Variants in EWSR1 observed in about 807,000 individuals in gnomAD.
The protein encoded by EWSR1 is EWS RNA binding protein 1.
A neutral mutation model predicts 92.1 loss-of-function variants in EWSR1; 14 were observed. The ratio of observed to expected loss-of-function variants is 0.15; its 90% CI spans 0.10 to 0.24. EWSR1 has a LOEUF of 0.24. EWSR1 is among the 10% of genes least tolerant of loss of function. EWSR1 has a pLI of 1.00. For missense variants in EWSR1, 637 were observed against 870.9 expected, an observed-to-expected ratio of 0.73 and a Z score of 3.38; for synonymous variants, 303 against 292.9, an observed-to-expected ratio of 1.03 and a Z score of -0.35.
At chr22:29,298,623 G>A in intron 13 of EWSR1, 110 bp from the exon 14 acceptor site, 1 of 1,346,866 alleles carries the variant, frequency 7.4e-7, no homozygotes. Context: ...ACAGGTGATG[G>A]GGAAATGACA....
rs962255366 is a variant in EWSR1, at chr22:29,273,732, T to C, written c.103-9T>C. The C allele has an allele frequency of 1.1e-5, 17 of 1,601,944 alleles. No homozygotes were observed. Among genetic ancestry groups the C allele is most frequent in the East Asian group, 2.2e-5 (1 of 44,846 alleles). ...ATGAAGTTCTTGCATTCGTTTTTTTTTGGAGCAGGCATATGGGCAACAAAG... is the reference window on the plus strand; with the variant it reads ...ATGAAGTTCTTGCATTCGTTTTTTTCTGGAGCAGGCATATGGGCAACAAAG... On this transcript the variant is annotated splice_polypyrimidine_tract_variant and intron_variant, in intron 3 of 16. Coordinates refer to ENST00000397938, the MANE Select transcript of EWSR1 (RefSeq NM_005243.4).
In EWSR1 at chr22:29,297,878, C is replaced by G; in HGVS notation, c.1346C>G (p.Pro449Arg). The change falls in exon 13 of 17, where the codon CCT becomes CGT. Residue 449 changes from proline to arginine, a missense_variant. Physicochemically the swap from Pro to Arg is moderately radical, Grantham distance 103. Coordinates refer to ENST00000397938, the MANE Select transcript of EWSR1 (RefSeq NM_005243.4). ...KLKVSLARKK[P>R]PMNSMRGGLP... ...AAAGTCTCCCTTGCTCGGAAGAAGC[C>G]TCCAATGAACAGTATGCGGGGTGGT... is the stretch of plus-strand genomic sequence containing the variant. 6.2e-7 allele frequency: 1 copy of G among 1,614,038 alleles called. No homozygotes were observed. Among genetic ancestry groups the G allele is most frequent in the Non-Finnish European group, 8.5e-7 (1 of 1,180,008 alleles).
chr22:29,295,392 GAGGA>G, intron 11 of EWSR1: 1 of 214,144 alleles, frequency 4.7e-6, no homozygotes, highest in African/African-American at 2.3e-5. Context: ...GCCAAGGCAG[GAGGA>G]TCCCAAGGAT....
chr22:29,289,055 T>C, intron 8 of EWSR1: 1 of 397,998 alleles, frequency 2.5e-6, no homozygotes, highest in Non-Finnish European at 4.5e-6. Flanking sequence ...CCTTCATGGT[T>C]TCCAGAGGTG....
intron 4 of EWSR1, chr22:29,277,624 A>T: frequency 4.3e-6 from 1 of 235,198 alleles, no homozygotes; most frequent in East Asian, 6.2e-5. Flanking sequence ...TTCTTCTGGG[A>T]TGTTTTATTC....
chr22:29,291,666 A>G (rs1213871873), intron 9 of EWSR1, 67 bp downstream of exon 9: 5 of 1,436,538 alleles, frequency 3.5e-6, no homozygotes, highest in African/African-American at 1.4e-5. Flanking sequence ...AGAAAACTAT[A>G]ATTTTTTTAT....
chr22:29,288,004 C>T (rs1057465289), intron 7 of EWSR1, among the ~76,000 whole-genome samples: 4 of 152,068 alleles, frequency 2.6e-5, no homozygotes, highest in East Asian at 3.8e-4. Context: ...TAGTGAGACC[C>T]TGTCTTTTTA....
chr22:29,274,542 T>C (rs2058952673), intron 4 of EWSR1: 1 of 434,144 alleles, frequency 2.3e-6, no homozygotes, highest in Admixed American at 3.7e-5. Context: ...CCCAAAGGTA[T>C]TTCAGGTGAT....
rs376008026 is a variant in EWSR1, at chr22:29,288,570, C to A, written c.794-36C>A. 5.1e-6 allele frequency: 8 copies of A among 1,566,882 alleles called. No individual in the cohort carries two copies. In the African/African-American group the frequency reaches 9.6e-5, roughly 19 times the overall value. On this transcript the variant is annotated intron_variant, in intron 7 of 16. Coordinates refer to ENST00000397938, the MANE Select transcript of EWSR1 (RefSeq NM_005243.4). ...AGTACATCAGGCAGTGGTGTAAATG[C>A]TGGTCCATGGCTTACAGATGTGACT...
chr22:29,290,324 CT>C, intron 8 of EWSR1: 1 of 1,363,174 alleles, frequency 7.3e-7, no homozygotes, highest in South Asian at 1.3e-5. Flanking sequence ...TTAACATGCC[CT>C]TTTTCATTGC....
intron 7 of EWSR1, 22 bp from the exon 8 acceptor site, chr22:29,288,584 A>G: frequency 6.3e-7 from 1 of 1,597,240 alleles, no homozygotes; most frequent in African/African-American, 1.3e-5. Context: ...TCCATGGCTT[A>G]CAGATGTGAC....
chr22:29,285,179 AG>A (rs2059933958), intron 6 of EWSR1, among the ~76,000 whole-genome samples: 2 of 135,080 alleles, frequency 1.5e-5, no homozygotes, highest in Non-Finnish European at 1.5e-5. Context: ...GTTGGAGTGC[AG>A]TGGCGCTGTC....
intron 1 of EWSR1, among the ~76,000 whole-genome samples, chr22:29,270,525 A>C (rs1048542603): frequency 1.3e-5 from 2 of 152,230 alleles, no homozygotes; most frequent in Admixed American, 1.3e-4. Flanking sequence ...TAAGTTCATG[A>C]AACAAATTTG....
intron 6 of EWSR1, among the ~76,000 whole-genome samples, chr22:29,286,714 T>A (rs2060067881): frequency 7.0e-6 from 1 of 142,826 alleles, no homozygotes; most frequent in Admixed American, 6.9e-5. Flanking sequence ...AAAAAAAAAT[T>A]TTTTTGTTTT....
In EWSR1 at chr22:29,282,270, C is replaced by T. The variant is rs139337869; in HGVS notation, c.414-120C>T. The stretch of plus-strand genomic sequence containing the variant: ...ATTTATTATTGTATTTATTTCCAGG[C>T]TTAATCATAACATTGCTTATTGCTC... On this transcript the variant is annotated intron_variant, in intron 5 of 16. Transcript: ENST00000397938. 129 of 735,528 alleles carry T rather than the reference C, an allele frequency of 1.8e-4. No homozygotes were observed. The East Asian group carries it at 3.9e-3, about 22-fold the overall frequency. The allele number at this position is 735,528 out of a possible 1,614,324, so 45.6% of individuals were successfully genotyped here. A position where few individuals can be genotyped will look rare whatever the true frequency, so the allele number is the denominator to read the frequency against.
At chr22:29,282,257 A>G (rs2059669565) in intron 5 of EWSR1, 133 bp from the exon 6 acceptor site, 1 of 681,432 alleles carries the variant, frequency 1.5e-6, no homozygotes, top group Admixed American at 3.7e-5. Flanking sequence ...TTATTATTGT[A>G]TTTATTTCCA....
Position 29,272,416 on chromosome 22 carries a change from T to C in EWSR1, c.87T>C (p.Tyr29=), listed in dbSNP as rs1318108716. ...SAYTAQPTQG[Y]AQTTQAYGQQ... The stretch of plus-strand genomic sequence containing the variant: ...ACACCGCCCAGCCCACTCAAGGATA[T>C]GCACAGACCACCCAGGTAATCTTTA... The change falls in exon 3 of 17, where the codon TAT becomes TAC. Residue 29 remains tyrosine, a synonymous_variant. Coordinates refer to ENST00000397938, the MANE Select transcript of EWSR1 (RefSeq NM_005243.4). 1.9e-6 allele frequency: 3 copies of C among 1,612,942 alleles called. No individual in the cohort carries two copies. The highest frequency in any genetic ancestry group is 2.5e-6 in the Non-Finnish European group (3 of 1,180,006).
intron 5 of EWSR1, among the ~76,000 whole-genome samples, chr22:29,279,158 A>G (rs551483339): frequency 6.6e-6 from 1 of 152,234 alleles, no homozygotes; most frequent in Non-Finnish European, 1.5e-5. Context: ...TTTTCACTCA[A>G]AACAGCATAA....
chr22:29,278,006 T>C (rs369637924), intron 4 of EWSR1, 24 bp from the exon 5 acceptor site: 15 of 1,603,950 alleles, frequency 9.4e-6, no homozygotes, highest in Non-Finnish European at 1.3e-5. Context: ...ACCTGAAATC[T>C]GATGCAGCTC....
Sources: gnomAD v4.1 joint callset for allele counts (sites outside exome capture counted in the v4.1 genomes callset) on GRCh38, gnomAD v4.1.1 for gene constraint, MANE v1.5 for transcripts, NCBI Gene and HGNC (gene_info 2026-07-23, HGNC 2026-07-21) for gene names.